NDUFA10: variants seen among roughly 807,000 people sequenced by gnomAD.
NDUFA10 encodes the protein NADH dehydrogenase [ubiquinone] 1 alpha subcomplex subunit 10, mitochondrial.
In NDUFA10, 40 loss-of-function variants were observed where a neutral mutation model predicts 47.8. The observed-to-expected ratio is 0.84, with a 90% confidence interval of 0.65 to 1.09. The LOEUF (loss-of-function observed/expected upper bound fraction) is 1.09. Ranked by LOEUF, NDUFA10 falls within the 50% of genes least tolerant of loss-of-function variation. NDUFA10 has a pLI of 0.00. For synonymous variants in NDUFA10, 183 were observed against 172.2 expected, an observed-to-expected ratio of 1.06 and a Z score of -0.49; for missense variants, 413 against 451.1, an observed-to-expected ratio of 0.92 and a Z score of 0.76.
intron 6 of NDUFA10, among the ~76,000 whole-genome samples, chr2:240,010,999 A>T (rs1341851679): frequency 1.3e-5 from 2 of 152,196 alleles, no homozygotes; most frequent in Non-Finnish European, 2.9e-5. Flanking sequence ...AAACAATCTG[A>T]GTTTAACTGG....
At chr2:240,022,101 AGAAAAACCAGT>A in intron 2 of NDUFA10, 60 bp downstream of exon 2, 11 of 1,384,966 alleles carry the variant, frequency 7.9e-6, no homozygotes, top group Non-Finnish European at 1.1e-5. Context: ...TTAATATTGA[AGAAAAACCAGT>A]GAAATAAGCA....
chr2:239,918,712 C>A (rs543585223), intron 4 of NDUFA10, among the ~76,000 whole-genome samples: 1 of 152,298 alleles, frequency 6.6e-6, no homozygotes, highest in South Asian at 2.1e-4. Context: ...GGAGTTGGTG[C>A]CTCATCCTCA....
At chr2:239,986,378 C>T (rs1253079793) in intron 9 of NDUFA10, among the ~76,000 whole-genome samples, 2 of 152,190 alleles carry the variant, frequency 1.3e-5, no homozygotes, top group South Asian at 2.1e-4. Context: ...AGACTAGCTA[C>T]GCCCCGTGGG....
chr2:239,927,069 C>T (rs1328004459), intron 4 of NDUFA10, among the ~76,000 whole-genome samples: 1 of 152,150 alleles, frequency 6.6e-6, no homozygotes, highest in Non-Finnish European at 1.5e-5. Flanking sequence ...CCTCCCACAA[C>T]ACATGGGGAT....
At chr2:240,005,911 C>A (rs765826635) in intron 7 of NDUFA10, among the ~76,000 whole-genome samples, 51 of 152,264 alleles carry the variant, frequency 3.3e-4, no homozygotes, top group Admixed American at 8.5e-4. Context: ...ACAGGCTACT[C>A]ATTTCTTCCC....
At chr2:239,975,240 T>C (rs1406389332) in intron 9 of NDUFA10, among the ~76,000 whole-genome samples, 3 of 152,252 alleles carry the variant, frequency 2.0e-5, no homozygotes, top group East Asian at 1.9e-4. Flanking sequence ...TCTACCATGA[T>C]TGTAAGTTTC....
At chr2:239,932,743 C>A (rs936658237) in intron 4 of NDUFA10, among the ~76,000 whole-genome samples, 20 of 152,180 alleles carry the variant, frequency 1.3e-4, no homozygotes, top group African/African-American at 4.3e-4. Flanking sequence ...CCATACCCGG[C>A]TAATTTTTTT....
intron 9 of NDUFA10, among the ~76,000 whole-genome samples, chr2:239,982,596 A>C (rs540047800): frequency 2.4e-4 from 36 of 152,164 alleles, no homozygotes; most frequent in Admixed American, 9.2e-4. Context: ...CTCCACCTGC[A>C]CACATTCCTG....
chr2:239,960,500 CAT>C lies in NDUFA10; in HGVS notation c.*616_*617del. 1 of 996,780 alleles carries C rather than the reference CAT, an allele frequency of 1.0e-6. No individual in the cohort carries two copies. Among genetic ancestry groups the C allele is most frequent in the Non-Finnish European group, 1.2e-6 (1 of 835,166 alleles). The allele number at this position is 996,780 out of a possible 1,614,324, so 61.7% of individuals were successfully genotyped here. A position where few individuals can be genotyped will look rare whatever the true frequency, so the allele number is the denominator to read the frequency against. The stretch of plus-strand genomic sequence containing the variant: ...ATCTTTCTCAACGTCTCTCTTAAAA[CAT>C]ATTGTTCTGTAAATCTGTGGTAATT... On this transcript the variant is annotated 3_prime_UTR_variant, in exon 10 of 10. Coordinates refer to ENST00000252711, the MANE Select transcript of NDUFA10 (RefSeq NM_004544.4).
intron 8 of NDUFA10, among the ~76,000 whole-genome samples, chr2:240,003,618 A>C (rs2106467501): frequency 6.6e-6 from 1 of 152,294 alleles, no homozygotes; most frequent in East Asian, 1.9e-4. Flanking sequence ...AAATAATCAG[A>C]ATTATGATAC....
At position 239,960,586 on chromosome 2, in the gene NDUFA10, T is replaced by C; in HGVS notation, c.*532A>G. 1 of 1,011,514 alleles carries C rather than the reference T, an allele frequency of 9.9e-7. No homozygotes were observed. The highest frequency in any genetic ancestry group is 4.1e-5 in the South Asian group (1 of 24,322). 62.7% of individuals were successfully genotyped at this position (1,011,514 alleles called of 1,614,324 possible). On this transcript the variant is annotated 3_prime_UTR_variant, in exon 10 of 10. Transcript: ENST00000252711. ...TTTTTTCTACTCTAATGTAGCACAT[T>C]ACTAAAATAAATACAGTAGGCCTTT... is the stretch of plus-strand genomic sequence containing the variant.
chr2:239,956,414 G>A (rs1453850227), downstream of NDUFA10, among the ~76,000 whole-genome samples: 1 of 152,166 alleles, frequency 6.6e-6, no homozygotes, highest in Non-Finnish European at 1.5e-5. Flanking sequence ...GCCTGAGCAC[G>A]TGGGGTCCTA....
intron 4 of NDUFA10, among the ~76,000 whole-genome samples, chr2:239,939,231 C>T (rs995933620): frequency 7.9e-5 from 12 of 152,328 alleles, no homozygotes; most frequent in Non-Finnish European, 1.6e-4. Context: ...GGGTTCCTGC[C>T]TTGGTGAGCC....
chr2:239,959,414 G>T lies in NDUFA10; in HGVS notation c.*1704C>A, dbSNP rs1694755379. On this transcript the variant is annotated 3_prime_UTR_variant, in exon 10 of 10. Transcript: ENST00000252711. The stretch of plus-strand genomic sequence containing the variant: ...AGGAACAGCTAAGATAATTAAAGAT[G>T]GCTTTCTTTTTCTTTCCTCCCCTCC... The T allele has an allele frequency of 1.0e-6, 1 of 985,354 alleles. No homozygotes were observed. The highest frequency in any genetic ancestry group is 4.7e-5 in the South Asian group (1 of 21,296). The allele number at this position is 985,354 out of a possible 1,614,324, so 61.0% of individuals were successfully genotyped here.
chr2:239,973,486 TA>T (rs1165138737), intron 9 of NDUFA10: 4 of 470,302 alleles, frequency 8.5e-6, no homozygotes, highest in African/African-American at 8.0e-5. Flanking sequence ...CTTGAGATAG[TA>T]AAAGAAACAA....
chr2:239,941,474 C>A (rs1005413143), intron 4 of NDUFA10, among the ~76,000 whole-genome samples: 4 of 150,442 alleles, frequency 2.7e-5, no homozygotes, highest in Non-Finnish European at 5.9e-5. Context: ...ACCTATAATC[C>A]CAGCACTTTG....
chr2:239,918,544 T>C (rs1304468695), intron 4 of NDUFA10, among the ~76,000 whole-genome samples: 1 of 152,160 alleles, frequency 6.6e-6, no homozygotes, highest in Non-Finnish European at 1.5e-5. Flanking sequence ...CAAAATCACT[T>C]TCTCACCCAT....
chr2:239,913,380 AT>A (rs759873255), intron 4 of NDUFA10, among the ~76,000 whole-genome samples: 4 of 152,236 alleles, frequency 2.6e-5, no homozygotes, highest in Non-Finnish European at 5.9e-5. Flanking sequence ...ACCTGAGGAC[AT>A]GACGGGTCCT....
downstream of NDUFA10, among the ~76,000 whole-genome samples, chr2:239,955,187 A>T (rs1481700909): frequency 6.6e-6 from 1 of 152,178 alleles, no homozygotes; most frequent in Non-Finnish European, 1.5e-5. Flanking sequence ...AATATGTGAA[A>T]ACTTCAAGGT....
Sources: gnomAD v4.1 joint callset for allele counts (sites outside exome capture counted in the v4.1 genomes callset) on GRCh38, gnomAD v4.1.1 for gene constraint, MANE v1.5 for transcripts, NCBI Gene and HGNC (gene_info 2026-07-23, HGNC 2026-07-21) for gene names.